ELAVL4: variants seen among roughly 807,000 people sequenced by gnomAD.
ELAVL4 encodes ELAV like RNA binding protein 4, also known as ELAV-like protein 4.
A neutral mutation model predicts 35.6 loss-of-function variants in ELAVL4; 1 was observed. The observed-to-expected ratio is 0.03, with a 90% CI of 0.01 to 0.13. ELAVL4 has a LOEUF of 0.13. Among genes scored for constraint, ELAVL4 ranks in the 10% least tolerant of loss-of-function variants. The pLI is 1.00. For missense variants in ELAVL4, 267 were observed against 464.9 expected, an observed-to-expected ratio of 0.57 and a Z score of 3.91; for synonymous variants, 156 against 171.0, an observed-to-expected ratio of 0.91 and a Z score of 0.69.
intron 1 of ELAVL4, among the ~76,000 whole-genome samples, chr1:50,110,883 A>G (rs1461872586): frequency 1.3e-5 from 2 of 152,026 alleles, no homozygotes; most frequent in Non-Finnish European, 2.9e-5. Flanking sequence ...GGAAAACCCA[A>G]TGAAAGGTTG....
At chr1:50,192,717 A>G (rs181805769) in intron 3 of ELAVL4, among the ~76,000 whole-genome samples, 59 of 152,346 alleles carry the variant, frequency 3.9e-4, no homozygotes, top group Non-Finnish European at 7.3e-4. Context: ...ATTCTGAGCC[A>G]TAACCACCCC....
chr1:50,157,614 C>T (rs762402019), intron 2 of ELAVL4, among the ~76,000 whole-genome samples: 10 of 152,104 alleles, frequency 6.6e-5, no homozygotes, highest in South Asian at 2.1e-4. Context: ...TTTTGGATTC[C>T]GGTCTATAAT....
intron 1 of ELAVL4, among the ~76,000 whole-genome samples, chr1:50,113,374 T>TA (rs1230331952): frequency 6.6e-6 from 1 of 152,060 alleles, no homozygotes; most frequent in African/African-American, 2.4e-5. Context: ...TTAATTTTTT[T>TA]AAAAAAAGAA....
intron 2 of ELAVL4, among the ~76,000 whole-genome samples, chr1:50,176,809 G>C (rs1680112519): frequency 6.6e-6 from 1 of 152,202 alleles, no homozygotes; most frequent in African/African-American, 2.4e-5. Flanking sequence ...GTGGACACTT[G>C]TGTATCTCTT....
chr1:50,133,414 G>A (rs1324376177), intron 1 of ELAVL4, among the ~76,000 whole-genome samples: 5 of 152,034 alleles, frequency 3.3e-5, no homozygotes, highest in Admixed American at 2.6e-4. Flanking sequence ...CATTGATTTG[G>A]TGGAGTCCAG....
chr1:50,074,640 G>A (rs1020441149), intron 1 of ELAVL4, among the ~76,000 whole-genome samples: 4 of 152,202 alleles, frequency 2.6e-5, no homozygotes, highest in Admixed American at 6.5e-5. Flanking sequence ...TTCAACAGCT[G>A]TGGGAGTTTA....
intron 1 of ELAVL4, chr1:50,048,322 C>A: frequency 8.6e-7 from 1 of 1,159,972 alleles, no homozygotes; most frequent in Non-Finnish European, 1.1e-6. Context: ...GGGGAGAGGG[C>A]CCTTGCAAGA....
chr1:50,133,111 G>C (rs1028982946), intron 1 of ELAVL4, among the ~76,000 whole-genome samples: 1 of 152,062 alleles, frequency 6.6e-6, no homozygotes, highest in Admixed American at 6.6e-5. Flanking sequence ...TTAGACTCCT[G>C]GGCTGTTTCC....
chr1:50,143,758 G>T (rs553984296), intron 1 of ELAVL4, among the ~76,000 whole-genome samples: 1 of 152,094 alleles, frequency 6.6e-6, no homozygotes. Flanking sequence ...TATGGGCTGC[G>T]TTTGGGGCCA....
intron 1 of ELAVL4, among the ~76,000 whole-genome samples, chr1:50,057,651 T>C (rs1663748097): frequency 6.6e-6 from 1 of 152,256 alleles, no homozygotes; most frequent in African/African-American, 2.4e-5. Flanking sequence ...AGTCACATGC[T>C]GTCCAAGTTT....
chr1:50,049,730 C>T (rs1156873559), intron 1 of ELAVL4, among the ~76,000 whole-genome samples: 1 of 152,086 alleles, frequency 6.6e-6, no homozygotes, highest in African/African-American at 2.4e-5. Flanking sequence ...TCCTTGGGGC[C>T]GATGGGGTTG....
chr1:50,128,647 A>T (rs1365177755), intron 1 of ELAVL4, among the ~76,000 whole-genome samples: 2 of 151,982 alleles, frequency 1.3e-5, no homozygotes, highest in Non-Finnish European at 2.9e-5. Context: ...ATGATGGGGG[A>T]TTGGAGAAGG....
At position 50,144,958 on chromosome 1, in the gene ELAVL4, T is replaced by A. The variant is rs1673431569; in HGVS notation, c.11T>A (p.Ile4Lys). MVM[I>K]ISTMEPQVSN... is the part of the protein sequence containing the mutation. ...TCAATTGTTTTTATTTTTATTTAGA[T>A]AATTAGCACCATGGAGCCTCAGGTG... The change falls in exon 2 of 7, where the codon ATA (isoleucine) becomes AAA (lysine). Residue 4 changes from isoleucine (I) to lysine (K), a missense_variant and splice_region_variant. Transcript: ENST00000371824. 6.2e-7 allele frequency: 1 copy of A among 1,610,644 alleles called. No homozygotes were observed. The highest frequency in any genetic ancestry group is 1.3e-5 in the African/African-American group (1 of 74,606).
chr1:50,116,565 C>T (rs551618907), intron 1 of ELAVL4, among the ~76,000 whole-genome samples: 1 of 151,922 alleles, frequency 6.6e-6, no homozygotes, highest in African/African-American at 2.4e-5. Context: ...CTAATTTGTA[C>T]ATGAAAAATA....
At chr1:50,194,165 A>T (rs1327010881) in intron 4 of ELAVL4, among the ~76,000 whole-genome samples, 1 of 152,194 alleles carries the variant, frequency 6.6e-6, no homozygotes, top group Non-Finnish European at 1.5e-5. Flanking sequence ...CAGGGTTGTA[A>T]AAAGGATTCA....
At chr1:50,067,391 A>T (rs1254087390) in intron 1 of ELAVL4, among the ~76,000 whole-genome samples, 1 of 152,200 alleles carries the variant, frequency 6.6e-6, no homozygotes, top group Non-Finnish European at 1.5e-5. Context: ...ACAGGCATTA[A>T]CCAGGAAACA....
At chr1:50,109,824 T>G in intron 1 of ELAVL4, 41 of 1,334,660 alleles carry the variant, frequency 3.1e-5, no homozygotes, top group Middle Eastern at 1.8e-4. Context: ...CCTGGCGTGT[T>G]GAGTTGTTGC....
intron 1 of ELAVL4, among the ~76,000 whole-genome samples, chr1:50,048,814 A>C (rs748864880): frequency 2.0e-5 from 3 of 152,158 alleles, no homozygotes; most frequent in Non-Finnish European, 4.4e-5. Flanking sequence ...AGCAGTGCTC[A>C]TGTTTAGCTG....
intron 1 of ELAVL4, among the ~76,000 whole-genome samples, chr1:50,129,923 T>C (rs1670581380): frequency 6.6e-6 from 1 of 152,082 alleles, no homozygotes; most frequent in Non-Finnish European, 1.5e-5. Flanking sequence ...AGATTTGTTG[T>C]TTTTCTCACA....
Sources: allele counts gnomAD v4.1 joint callset (sites outside exome capture counted in the v4.1 genomes callset), GRCh38; gene constraint gnomAD v4.1.1; transcripts MANE v1.5; gene names NCBI Gene and HGNC (gene_info 2026-07-23, HGNC 2026-07-21).